The following CREB5 variants were observed in gnomAD, a reference collection of about 807,000 sequenced individuals.
The protein encoded by CREB5 is cAMP responsive element binding protein 5, also known as cyclic AMP-responsive element-binding protein 5.
Under a neutral mutation model 57.1 loss-of-function variants are expected in CREB5, and 19 were observed. The ratio of observed to expected loss-of-function variants is 0.33; its 90% confidence interval spans 0.23 to 0.49. The LOEUF (loss-of-function observed/expected upper bound fraction) is 0.49, where lower values mean the gene tolerates loss of function less well. Among genes scored for constraint, CREB5 ranks in the 20% least tolerant of loss-of-function variants. The pLI, the probability that CREB5 is intolerant of heterozygous loss-of-function variation, is 0.99. For missense variants in CREB5, 579 were observed against 671.6 expected (o/e 0.86, Z 1.52); for synonymous variants, 238 against 238.3 (o/e 1.00, Z 0.01).
At chr7:28,766,254 C>A (rs1222671422) in intron 7 of CREB5, among the ~76,000 whole-genome samples, 1 of 152,004 alleles carries the variant, frequency 6.6e-6, no homozygotes, top group Non-Finnish European at 1.5e-5. Flanking sequence ...AACAGTCTGT[C>A]ATCTTTCCCT....
intron 1 of CREB5, among the ~76,000 whole-genome samples, chr7:28,427,634 T>C (rs1047816978): frequency 8.5e-5 from 13 of 152,076 alleles, no homozygotes; most frequent in Non-Finnish European, 1.3e-4. Flanking sequence ...CCACGGTGCC[T>C]GTCACAGGGA....
intron 4 of CREB5, among the ~76,000 whole-genome samples, chr7:28,535,342 G>T (rs1239223208): frequency 1.5e-5 from 2 of 137,700 alleles, no homozygotes; most frequent in African/African-American, 5.4e-5. Flanking sequence ...AAGGAAAGAA[G>T]GAGGGAAGGA....
intron 3 of CREB5, 58 bp from the exon 4 acceptor site, chr7:28,507,558 T>C (rs1335745860): frequency 4.3e-5 from 67 of 1,552,196 alleles, no homozygotes; most frequent in Non-Finnish European, 5.2e-5. Context: ...TAGCTCATGC[T>C]TGCTACTGGC....
At chr7:28,359,225 A>AAT (rs111963578) in intron 1 of CREB5, among the ~76,000 whole-genome samples, 22,307 of 63,776 alleles carry the variant, frequency 0.35, 1,825 homozygotes, top group Admixed American at 0.41. Context: ...CAAAACAAAT[A>AAT]AAAAAAAAAA....
intron 5 of CREB5, among the ~76,000 whole-genome samples, chr7:28,684,360 C>T (rs900557402): frequency 6.6e-6 from 1 of 152,168 alleles, no homozygotes; most frequent in Non-Finnish European, 1.5e-5. Flanking sequence ...AGGTGTCACT[C>T]GGAGCTACTG....
intron 7 of CREB5, among the ~76,000 whole-genome samples, chr7:28,794,743 C>CACACACACACACACACACACAT (rs1185575420): frequency 2.1e-4 from 32 of 152,124 alleles, no homozygotes; most frequent in African/African-American, 7.5e-4. Context: ...TACCTGCACA[C>CACACACACACACACACACACAT]ACACACACAC....
chr7:28,355,483 C>G (rs1786321680), intron 1 of CREB5, among the ~76,000 whole-genome samples: 1 of 152,130 alleles, frequency 6.6e-6, no homozygotes, highest in African/African-American at 2.4e-5. Context: ...TTACAACATA[C>G]TTTTCCTTCA....
At chr7:28,495,576 G>A (rs1053734689) in intron 3 of CREB5, among the ~76,000 whole-genome samples, 6 of 151,498 alleles carry the variant, frequency 4.0e-5, no homozygotes, top group Non-Finnish European at 8.8e-5. Context: ...AATCACACTC[G>A]AGCAACAAAT....
At chr7:28,604,907 C>A (rs1004122222) in intron 5 of CREB5, among the ~76,000 whole-genome samples, 2 of 152,038 alleles carry the variant, frequency 1.3e-5, no homozygotes, top group African/African-American at 4.8e-5. Context: ...GTATTTGCAT[C>A]CTACCCCAGG....
chr7:28,801,637 C>T (rs1242892611), intron 7 of CREB5, among the ~76,000 whole-genome samples: 1 of 152,180 alleles, frequency 6.6e-6, no homozygotes, highest in Admixed American at 6.5e-5. Flanking sequence ...GTCTGGAATG[C>T]TGTTCACCCA....
At chr7:28,678,686 T>G (rs1800440122) in intron 5 of CREB5, among the ~76,000 whole-genome samples, 2 of 152,242 alleles carry the variant, frequency 1.3e-5, no homozygotes, top group African/African-American at 4.8e-5. Flanking sequence ...GTTTTCTCTT[T>G]CATTTATTCA....
At chr7:28,470,941 A>T (rs1302832261) in intron 1 of CREB5, among the ~76,000 whole-genome samples, 1 of 152,100 alleles carries the variant, frequency 6.6e-6, no homozygotes. Flanking sequence ...ATTTTGTTCT[A>T]GAGTTGCTTG....
upstream of CREB5, among the ~76,000 whole-genome samples, chr7:28,409,029 C>T (rs1787656546): frequency 6.6e-6 from 1 of 152,064 alleles, no homozygotes; most frequent in Non-Finnish European, 1.5e-5. This position sits in a 1 kb window ranked among gnomAD's most constrained non-coding sequence, Gnocchi z 4.4. Flanking sequence ...GCCCGCGCCT[C>T]CTCCGTGGTC....
intron 1 of CREB5, among the ~76,000 whole-genome samples, chr7:28,406,405 CCT>C (rs1787580198): frequency 6.6e-6 from 1 of 152,228 alleles, no homozygotes; most frequent in Non-Finnish European, 1.5e-5. Flanking sequence ...ATAGGTCCAA[CCT>C]CTCTGCCACC....
At chr7:28,790,572 C>A (rs1226777828) in intron 7 of CREB5, among the ~76,000 whole-genome samples, 3 of 152,146 alleles carry the variant, frequency 2.0e-5, no homozygotes, top group Non-Finnish European at 4.4e-5. Context: ...ACAATCCCTC[C>A]TCTACTTTGA....
At chr7:28,322,261 T>C (rs2127984462) in intron 1 of CREB5, among the ~76,000 whole-genome samples, 1 of 152,198 alleles carries the variant, frequency 6.6e-6, no homozygotes, top group East Asian at 1.9e-4. Context: ...ACCCACTTAC[T>C]AAGTGGGTAG....
chr7:28,756,491 G>A (rs1805311202), intron 7 of CREB5, among the ~76,000 whole-genome samples: 3 of 151,698 alleles, frequency 2.0e-5, no homozygotes, highest in African/African-American at 7.3e-5. Context: ...GGGAGGCGGA[G>A]GTTGCAGTGA....
chr7:28,316,529 T>G lies in CREB5; in HGVS notation c.-25+17088T>G, dbSNP rs192036591. On this transcript the variant is annotated intron_variant, in intron 1 of 9. Transcript: ENST00000396299. ...AAATATTGTCTTTGTTAGGAGTCAG[T>G]GAATGCTGCAGAAATGCACCGCCAG... 1.9e-4 allele frequency among the ~76,000 whole-genome samples: 28 copies of G among 151,316 alleles called. No homozygotes were observed. In the East Asian group the frequency reaches 5.0e-3, roughly 27 times the overall value.
At chr7:28,762,022 C>T (rs1364375545) in intron 7 of CREB5, among the ~76,000 whole-genome samples, 2 of 152,042 alleles carry the variant, frequency 1.3e-5, no homozygotes, top group African/African-American at 4.8e-5. Flanking sequence ...TCTGAAACTT[C>T]CAGCAGAAGA....
Sources: allele counts gnomAD v4.1 joint callset (sites outside exome capture counted in the v4.1 genomes callset), GRCh38; gene constraint gnomAD v4.1.1; non-coding constraint Gnocchi (gnomAD v3.1); transcripts MANE v1.5; gene names NCBI Gene and HGNC (gene_info 2026-07-23, HGNC 2026-07-21).